Variants in CCDC13 observed in about 807,000 individuals in gnomAD.
CCDC13 encodes coiled-coil domain-containing protein 13.
A neutral mutation model predicts 87.3 loss-of-function variants in CCDC13; 70 were observed. The ratio of observed to expected loss-of-function variants is 0.80; its 90% CI spans 0.66 to 0.98. The LOEUF is 0.98. Among genes scored for constraint, CCDC13 ranks in the 50% least tolerant of loss-of-function variants. CCDC13 has a pLI of 0.00. For synonymous variants in CCDC13, 317 were observed against 360.3 expected, an observed-to-expected ratio of 0.88 and a Z score of 1.36; for missense variants, 842 against 892.0, an observed-to-expected ratio of 0.94 and a Z score of 0.71.
chr3:42,720,018 A>G (rs966954421), intron 13 of CCDC13, among the ~76,000 whole-genome samples: 1 of 152,230 alleles, frequency 6.6e-6, no homozygotes, highest in Non-Finnish European at 1.5e-5. Context: ...TTTAGTCTAA[A>G]TTATGCAGGT....
At chr3:42,709,596 G>C (rs1363382799) in intron 15 of CCDC13, 88 bp downstream of exon 15, 1 of 1,055,098 alleles carries the variant, frequency 9.5e-7, no homozygotes, top group South Asian at 1.3e-5. Flanking sequence ...AGTCAAAAGT[G>C]CAAGGGGAGG....
rs1413319880 is a variant in CCDC13 at position 42,730,543 on chromosome 3, C to T, written c.1642G>A (p.Glu548Lys). The T allele has an allele frequency of 1.2e-6, 2 of 1,614,180 alleles. No individual in the cohort carries two copies. Among genetic ancestry groups the T allele is most frequent in the Admixed American group, 3.3e-5 (2 of 60,022 alleles). The part of the protein sequence containing the change: ...EQKGWQAQVS[E>K]IKALWQAAEV... ...GCAGCCTGCCAGAGGGCCTTGATCT[C>T]TGACACTTGTGCCTGCCAGCCTTTT... Residue 548 changes from glutamate (E) to lysine (K), a missense_variant, in exon 13 of 16, where the codon GAG becomes AAG. Transcript: ENST00000310232.
At chr3:42,755,375 G>A (rs574237445) in intron 3 of CCDC13, among the ~76,000 whole-genome samples, 4 of 152,302 alleles carry the variant, frequency 2.6e-5, no homozygotes, top group Admixed American at 2.0e-4. Context: ...TTGGGAGTCC[G>A]AGGCGGGCAG....
chr3:42,707,009 GGCA>G lies in CCDC13; in HGVS notation c.*1968_*1970del, dbSNP rs1698195312. On this transcript the variant is annotated 3_prime_UTR_variant, in exon 16 of 16. Coordinates refer to ENST00000310232, the MANE Select transcript of CCDC13 (RefSeq NM_144719.4). ...CCTTTCTCAGGCATAGCCCAGGAAG[GGCA>G]GCAGAACCACCCTGAAGTGGCTGGA... Among the ~76,000 whole-genome samples the G allele has an allele frequency of 6.6e-6, 1 of 152,172 alleles. No individual in the cohort carries two copies. Among genetic ancestry groups the G allele is most frequent in the South Asian group, 2.1e-4 (1 of 4,830 alleles).
At chr3:42,736,647 T>C (rs1183030344) in intron 9 of CCDC13, among the ~76,000 whole-genome samples, 1 of 152,124 alleles carries the variant, frequency 6.6e-6, no homozygotes, top group African/African-American at 2.4e-5. Context: ...CACAGTGAGA[T>C]ACTGACAGAG....
rs767997400 is a variant in CCDC13, at chr3:42,730,605, A to C, written c.1596-16T>G. ...GTCCGAGAACCTGGGACCAGGGTGGAGGGCAGAGGGCAGAGGTCATCCGAG... is the reference window on the plus strand; with the variant it reads ...GTCCGAGAACCTGGGACCAGGGTGGCGGGCAGAGGGCAGAGGTCATCCGAG... On this transcript the variant is annotated splice_polypyrimidine_tract_variant and intron_variant, in intron 12 of 15. Coordinates refer to ENST00000310232, the MANE Select transcript of CCDC13 (RefSeq NM_144719.4). The C allele has an allele frequency of 2.5e-6, 4 of 1,610,738 alleles. No homozygotes were observed. The African/African-American group carries it at 5.3e-5, about 22-fold the overall frequency.
At chr3:42,751,907 G>A in intron 5 of CCDC13, 29 bp downstream of exon 5, 1 of 1,600,872 alleles carries the variant, frequency 6.2e-7, no homozygotes, top group Non-Finnish European at 8.5e-7. Context: ...CTGCCTCACA[G>A]ACTTCCCAGC....
At chr3:42,742,779 C>T in intron 8 of CCDC13, 117 bp downstream of exon 8, 1 of 1,328,326 alleles carries the variant, frequency 7.5e-7, no homozygotes. Context: ...CCCCAGGTGT[C>T]TCCTGCCTAG....
intron 7 of CCDC13, chr3:42,745,549 C>T (rs1699368383): frequency 6.3e-6 from 1 of 159,078 alleles, no homozygotes; most frequent in African/African-American, 2.4e-5. Context: ...GGTAATTAAA[C>T]TTTCAAAAGA....
At chr3:42,765,673 G>C (rs1466678777) in intron 1 of CCDC13, among the ~76,000 whole-genome samples, 1 of 152,224 alleles carries the variant, frequency 6.6e-6, no homozygotes, top group Non-Finnish European at 1.5e-5. Context: ...GGAGAGAGAA[G>C]CTGCAGGAGA....
At chr3:42,743,093 C>A (rs1699272488) in intron 7 of CCDC13, 36 bp from the exon 8 acceptor site, 1 of 1,611,032 alleles carries the variant, frequency 6.2e-7, no homozygotes, top group South Asian at 1.1e-5. Context: ...CACAATGGGT[C>A]TTCTGCCAGC....
chr3:42,734,116 C>G (rs1410056924), intron 10 of CCDC13, among the ~76,000 whole-genome samples: 1 of 152,214 alleles, frequency 6.6e-6, no homozygotes, highest in Non-Finnish European at 1.5e-5. Flanking sequence ...CCCTCAACCC[C>G]TTCCTCTTCT....
rs910998194 is a variant in CCDC13, at chr3:42,707,492, T to C, written c.*1488A>G. ...CAGCTAGGGTCCCTCCATAGCCCCA[T>C]CCCCAAGGAAGGGGCTGAGAAGACA... On this transcript the variant is annotated 3_prime_UTR_variant, in exon 16 of 16. Coordinates refer to ENST00000310232, the MANE Select transcript of CCDC13 (RefSeq NM_144719.4). 6.6e-6 allele frequency among the ~76,000 whole-genome samples: 1 copy of C among 152,072 alleles called. No individual in the cohort carries two copies. Among genetic ancestry groups the C allele is most frequent in the African/African-American group, 2.4e-5 (1 of 41,412 alleles).
intron 1 of CCDC13, 106 bp from the exon 2 acceptor site, chr3:42,758,457 T>C (rs1351100032): frequency 9.4e-7 from 1 of 1,066,012 alleles, no homozygotes; most frequent in African/African-American, 1.6e-5. Flanking sequence ...CTGCTTCGCG[T>C]TGCATGTATG....
intron 1 of CCDC13, among the ~76,000 whole-genome samples, chr3:42,759,162 A>C (rs1438966558): frequency 6.6e-6 from 1 of 152,174 alleles, no homozygotes; most frequent in East Asian, 1.9e-4. Context: ...CTCTACAAAA[A>C]ATTGGTTGTG....
chr3:42,742,911 T>A lies in CCDC13; in HGVS notation c.972A>T (p.Lys324Asn), dbSNP rs1699264802. The stretch of plus-strand genomic sequence containing the variant: ...CACGCGTTACCTCCAAGCCTTCCTG[T>A]TTTTCCCTTTCCAGGCTGCGGATCC... ...LLRIRSLEREKQEGLEKLASE... is the reference protein window; with the variant it reads ...LLRIRSLERENQEGLEKLASE... The change falls in exon 8 of 16, where the codon AAA (lysine) becomes AAT (asparagine). Residue 324 changes from lysine to asparagine, a missense_variant. Lys to Asn is a moderately conservative substitution (Grantham distance 94). Coordinates refer to ENST00000310232, the MANE Select transcript of CCDC13 (RefSeq NM_144719.4). The A allele has an allele frequency of 6.2e-7, 1 of 1,614,004 alleles. No homozygotes were observed. Among genetic ancestry groups the A allele is most frequent in the Non-Finnish European group, 8.5e-7 (1 of 1,179,936 alleles).
At position 42,739,723 on chromosome 3, in the gene CCDC13, G is replaced by A. The variant is rs1228887483; in HGVS notation, c.1075C>T (p.Leu359=). 6.2e-7 allele frequency: 1 copy of A among 1,614,210 alleles called. No homozygotes were observed. Among genetic ancestry groups the A allele is most frequent in the Non-Finnish European group, 8.5e-7 (1 of 1,180,028 alleles). ...FEGMRSRNKL[L]SSEMKTLKSQ... Reference sequence around the variant, plus strand: ...TTGAGGGTCTTCATCTCACTTGACAGCAGCTTGTTCCGAGACCTCATGCCC... The same window carrying A: ...TTGAGGGTCTTCATCTCACTTGACAACAGCTTGTTCCGAGACCTCATGCCC... Residue 359 remains leucine (L), a synonymous_variant, in exon 9 of 16, where the codon CTG becomes TTG. Transcript: ENST00000310232.
rs868729682 is a variant in CCDC13, at chr3:42,772,206, G to T, written c.-7+970C>A. ...AATCGCTTGAACCTGGGAGGCAGAG[G>T]TTGCAATGAGCCAAGATCGCGCTAC... On this transcript the variant is annotated intron_variant, in intron 1 of 15. Transcript: ENST00000310232. Among the ~76,000 whole-genome samples, 27 of 148,496 alleles carry T rather than the reference G, an allele frequency of 1.8e-4. No individual in the cohort carries two copies. The South Asian group carries it at 5.5e-3, about 30-fold the overall frequency.
At chr3:42,746,159 C>T in intron 6 of CCDC13, 132 bp from the exon 7 acceptor site, 1 of 691,528 alleles carries the variant, frequency 1.4e-6, no homozygotes, top group East Asian at 2.6e-5. Context: ...CAGAGCATAG[C>T]CCTCAAAGGT....
Sources: gnomAD v4.1 joint callset for allele counts (sites outside exome capture counted in the v4.1 genomes callset) on GRCh38, gnomAD v4.1.1 for gene constraint, MANE v1.5 for transcripts, NCBI Gene and HGNC (gene_info 2026-07-23, HGNC 2026-07-21) for gene names.